Variants in AGXT observed in about 807,000 individuals in gnomAD.
AGXT encodes L-alanine: glyoxylate aminotransferase 1.
Under a neutral mutation model 46.9 loss-of-function variants are expected in AGXT, and 41 were observed. That is an observed-to-expected ratio of 0.88 (90% CI 0.68 to 1.14). The LOEUF is 1.14. AGXT is among the 50% of genes most tolerant of loss of function. The pLI is 0.00. For missense variants in AGXT, 525 were observed against 522.7 expected (o/e 1.00, Z -0.04); for synonymous variants, 244 against 227.9 (o/e 1.07, Z -0.64).
In AGXT at chr2:240,869,698, C is replaced by T. The variant is rs1360963990; in HGVS notation, c.358+336C>T. 3.4e-5 allele frequency among the ~76,000 whole-genome samples: 5 copies of T among 149,138 alleles called. No homozygotes were observed. In the East Asian group the frequency reaches 7.7e-4, roughly 23 times the overall value. ...CCCGGCCGCTGTCCAGGGCCCCAGG[C>T]ACCAGCTCTGCTTTGTGACAGGGTG... On this transcript the variant is annotated intron_variant, in intron 2 of 10. Coordinates refer to ENST00000307503, the MANE Select transcript of AGXT (RefSeq NM_000030.3).
intron 5 of AGXT, among the ~76,000 whole-genome samples, chr2:240,873,708 G>A (rs772053108): frequency 7.9e-5 from 12 of 152,092 alleles, no homozygotes; most frequent in Non-Finnish European, 1.2e-4. Context: ...AGGGCCCCAG[G>A]GACACGGTGC....
chr2:240,872,366 A>C (rs2058996465), intron 4 of AGXT, among the ~76,000 whole-genome samples: 1 of 137,674 alleles, frequency 7.3e-6, no homozygotes, highest in Non-Finnish European at 1.6e-5. Flanking sequence ...CAGGCGGAGG[A>C]GGGTGAGAGT....
chr2:240,877,638 G>C lies in AGXT; in HGVS notation c.942+6G>C. 1 of 1,550,544 alleles carries C rather than the reference G, an allele frequency of 6.4e-7. No individual in the cohort carries two copies. The highest frequency in any genetic ancestry group is 1.2e-5 in the South Asian group (1 of 84,076). ...AGCTCTTCGTGAAGGACCCGGTAAG[G>C]AGGCCCCTGGCATTGGGCAGCCCTG... On this transcript the variant is annotated splice_donor_region_variant and intron_variant, in intron 9 of 10. Coordinates refer to ENST00000307503, the MANE Select transcript of AGXT (RefSeq NM_000030.3).
At chr2:240,873,122 A>C in intron 5 of AGXT, 73 bp downstream of exon 5, 5 of 1,339,158 alleles carry the variant, frequency 3.7e-6, no homozygotes, top group Non-Finnish European at 5.3e-6. Context: ...GCCCTGCTGG[A>C]AGCGTGCGTC....
chr2:240,875,039 G>A, intron 6 of AGXT, 70 bp from the exon 7 acceptor site: 6 of 1,375,466 alleles, frequency 4.4e-6, no homozygotes, highest in Non-Finnish European at 6.2e-6. Flanking sequence ...AAACAGGACA[G>A]CCAGCGAGAC....
chr2:240,872,568 T>G (rs2058998173), intron 4 of AGXT, among the ~76,000 whole-genome samples: 1 of 152,116 alleles, frequency 6.6e-6, no homozygotes, highest in Non-Finnish European at 1.5e-5. Context: ...GGCCAGTGGC[T>G]GGGCCGAGCA....
intron 3 of AGXT, 98 bp from the exon 4 acceptor site, chr2:240,871,251 C>A: frequency 9.7e-7 from 1 of 1,029,802 alleles, no homozygotes; most frequent in Non-Finnish European, 1.5e-6. Context: ...CAGGCCCAGC[C>A]CCTGCTACCT....
At position 240,880,305 on chromosome 2, in the gene AGXT, G is replaced by C. The variant is rs2059054319; in HGVS notation, c.*1484G>C. The C allele has an allele frequency of 2.0e-5, 3 of 152,224 alleles. No homozygotes were observed. In the South Asian group the frequency reaches 6.2e-4, roughly 32 times the overall value. 9.4% of individuals were successfully genotyped at this position (152,224 alleles called of 1,614,324 possible). On this transcript the variant is annotated 3_prime_UTR_variant, in exon 11 of 11. Coordinates refer to ENST00000307503, the MANE Select transcript of AGXT (RefSeq NM_000030.3). Reference sequence around the variant, plus strand: ...CTCCATGTTGTCTTTTTTTGCTAGGGGGTGTAAAATCCTGTCTGATTTGGT... The same window carrying C: ...CTCCATGTTGTCTTTTTTTGCTAGGCGGTGTAAAATCCTGTCTGATTTGGT...
In AGXT at chr2:240,873,989, C is replaced by T. The variant is rs377152271; in HGVS notation, c.607C>T (p.Leu203=). The T allele has an allele frequency of 2.5e-5, 41 of 1,613,606 alleles. No homozygotes were observed. The highest frequency in any genetic ancestry group is 3.2e-5 in the Non-Finnish European group (38 of 1,180,030). Residue 203 remains leucine (L), a synonymous_variant, in exon 6 of 11, where the codon CTG becomes TTG. Transcript: ENST00000307503. ...CCACCCATCTACAGGCATCGACATC[C>T]TGTACTCGGGCTCCCAGAAGGCCCT... ...LYMDRQGIDI[L]YSGSQKALNA... is the part of the protein sequence containing the mutation.
chr2:240,878,864 C>G lies in AGXT; in HGVS notation c.*43C>G. On this transcript the variant is annotated 3_prime_UTR_variant, in exon 11 of 11. Transcript: ENST00000307503. ...AGCTGGCACTGGCACACACCTGTCC[C>G]ATGCCCACCCTGAGGGATCAGGAGC... is the stretch of plus-strand genomic sequence containing the variant. 1 of 1,518,894 alleles carries G rather than the reference C, an allele frequency of 6.6e-7. No individual in the cohort carries two copies. The highest frequency in any genetic ancestry group is 8.9e-7 in the Non-Finnish European group (1 of 1,120,272). The allele number at this position is 1,518,894 out of a possible 1,614,324, so 94.1% of individuals were successfully genotyped here.
intron 6 of AGXT, 92 bp from the exon 7 acceptor site, chr2:240,875,017 C>A: frequency 8.2e-7 from 1 of 1,215,094 alleles, no homozygotes; most frequent in Non-Finnish European, 1.2e-6. Flanking sequence ...CCCACCCCGT[C>A]TCACTCCCGT....
At chr2:240,873,714 G>A (rs775376423) in intron 5 of AGXT, among the ~76,000 whole-genome samples, 19 of 152,142 alleles carry the variant, frequency 1.2e-4, no homozygotes, top group Non-Finnish European at 2.5e-4. Context: ...CCAGGGACAC[G>A]GTGCCTGGGG....
In AGXT at chr2:240,869,364, T is replaced by G. The variant is rs113681235; in HGVS notation, c.358+2T>G. On this transcript the variant is annotated splice_donor_variant, in intron 2 of 10. Coordinates refer to ENST00000307503, the MANE Select transcript of AGXT (RefSeq NM_000030.3). LOFTEE classifies it high-confidence loss of function. The stretch of plus-strand genomic sequence containing the variant: ...CCGTGGACATCGGGGAGCGCATAGG[T>G]AAGGGAGAGGCCCAGGTGGGGATGG... The G allele has an allele frequency of 1.3e-6, 2 of 1,579,748 alleles. No individual in the cohort carries two copies. The highest frequency in any genetic ancestry group is 1.7e-6 in the Non-Finnish European group (2 of 1,161,170).
At chr2:240,871,538 C>A (rs2058990683) in intron 4 of AGXT, 89 bp downstream of exon 4, 1 of 1,218,068 alleles carries the variant, frequency 8.2e-7, no homozygotes, top group Non-Finnish European at 1.2e-6. Flanking sequence ...GGTCCTTCTG[C>A]CCCTGGTCCC....
At position 240,868,898 on chromosome 2, in the gene AGXT, C is replaced by A. The variant is rs1318935887; in HGVS notation, c.33C>A (p.Pro11=). 6.2e-7 allele frequency: 1 copy of A among 1,613,130 alleles called. No homozygotes were observed. Among genetic ancestry groups the A allele is most frequent in the Non-Finnish European group, 8.5e-7 (1 of 1,179,924 alleles). ...CTCACAAGCTGCTGGTGACCCCCCC[C>A]AAGGCCCTGCTCAAGCCCCTCTCCA... MASHKLLVTP[P]KALLKPLSIP... is the part of the protein sequence containing the mutation. Residue 11 remains proline, a synonymous_variant, in exon 1 of 11, where the codon CCC becomes CCA. Coordinates refer to ENST00000307503, the MANE Select transcript of AGXT (RefSeq NM_000030.3).
At position 240,879,077 on chromosome 2, in the gene AGXT, C is replaced by G; in HGVS notation, c.*256C>G. On this transcript the variant is annotated 3_prime_UTR_variant, in exon 11 of 11. Coordinates refer to ENST00000307503, the MANE Select transcript of AGXT (RefSeq NM_000030.3). ...TGAGCTGCAGTCCCCAGGCCATGAG[C>G]CTCCCGGGAATGTTTAATAAAGGGC... 1.7e-6 allele frequency: 1 copy of G among 582,118 alleles called. No individual in the cohort carries two copies. The allele number at this position is 582,118 out of a possible 1,614,324, so 36.1% of individuals were successfully genotyped here.
rs180177232 is a variant in AGXT at position 240,871,444 on chromosome 2, C to T, written c.519C>T (p.Cys173=). 36 of 1,586,318 alleles carry T rather than the reference C, an allele frequency of 2.3e-5. No homozygotes were observed. Among genetic ancestry groups the T allele is most frequent in the Non-Finnish European group, 3.0e-5 (35 of 1,166,866 alleles). ...CCCTTGATGGCTTCGGGGAACTCTG[C>T]CACAGGTGAGCCTGGCCCCAGGGCG... ...LQPLDGFGEL[C]HRYKCLLLVD... Residue 173 remains cysteine (C), a synonymous_variant, in exon 4 of 11, where the codon TGC becomes TGT. Coordinates refer to ENST00000307503, the MANE Select transcript of AGXT (RefSeq NM_000030.3).
intron 4 of AGXT, 120 bp downstream of exon 4, chr2:240,871,569 G>A: frequency 2.1e-6 from 2 of 937,908 alleles, no homozygotes; most frequent in South Asian, 1.4e-5. Flanking sequence ...TCTGTCACAT[G>A]GTATGGGGTG....
intron 4 of AGXT, 62 bp from the exon 5 acceptor site, chr2:240,872,917 C>T: frequency 6.9e-7 from 1 of 1,445,388 alleles, no homozygotes; most frequent in Non-Finnish European, 9.7e-7. Flanking sequence ...AGCCTGGGGC[C>T]AGGCCCTCCA....
Sources: gnomAD v4.1 joint callset for allele counts (sites outside exome capture counted in the v4.1 genomes callset) on GRCh38, gnomAD v4.1.1 for gene constraint, MANE v1.5 for transcripts, NCBI Gene and HGNC (gene_info 2026-07-23, HGNC 2026-07-21) for gene names.